The following TMPRSS11D variants were observed in gnomAD, a reference collection of about 807,000 sequenced individuals.
The protein encoded by TMPRSS11D is transmembrane serine protease 11D, also known as transmembrane protease serine 11D.
Under a neutral mutation model 44.4 loss-of-function variants are expected in TMPRSS11D, and 32 were observed. The observed-to-expected ratio is 0.72, with a 90% confidence interval of 0.54 to 0.97. TMPRSS11D has a LOEUF of 0.97. TMPRSS11D is among the 50% of genes least tolerant of loss of function. TMPRSS11D has a pLI of 0.00. For synonymous variants in TMPRSS11D, 179 were observed against 177.9 expected (o/e 1.01, Z -0.05); for missense variants, 446 against 502.6 (o/e 0.89, Z 1.08).
At chr4:67,845,645 C>T (rs1420020590) in intron 3 of TMPRSS11D, among the ~76,000 whole-genome samples, 2 of 152,080 alleles carry the variant, frequency 1.3e-5, no homozygotes, top group Admixed American at 1.3e-4. Flanking sequence ...TATTTTGTAA[C>T]CTGTACTGCT....
chr4:67,823,660 TACCTGTTTA>T (rs1251273749), intron 9 of TMPRSS11D, among the ~76,000 whole-genome samples: 2 of 152,276 alleles, frequency 1.3e-5, no homozygotes, highest in African/African-American at 4.8e-5. Context: ...AGCTCATCCA[TACCTGTTTA>T]ATTACTGGTC....
intron 2 of TMPRSS11D, 91 bp downstream of exon 2, chr4:67,859,466 A>G: frequency 7.1e-7 from 1 of 1,408,938 alleles, no homozygotes; most frequent in Non-Finnish European, 9.7e-7. Flanking sequence ...TTAAGAAATA[A>G]AAGCCATAGT....
intron 5 of TMPRSS11D, among the ~76,000 whole-genome samples, chr4:67,836,961 G>A (rs1406088826): frequency 4.6e-5 from 7 of 152,008 alleles, no homozygotes; most frequent in Non-Finnish European, 1.0e-4. Context: ...TGAAACTTTT[G>A]CTAGATATCC....
chr4:67,833,369 C>T lies in TMPRSS11D; in HGVS notation c.527G>A (p.Gly176Asp). ...ANWLINECGA[G>D]PDLITLSEQR... Reference sequence around the variant, plus strand: ...CTCAGACAATGTTATTAGGTCTGGACCGGCCCCACATTCTAATGAGAAAGG... The same window carrying T: ...CTCAGACAATGTTATTAGGTCTGGATCGGCCCCACATTCTAATGAGAAAGG... The change falls in exon 7 of 10, where the codon GGT becomes GAT. Residue 176 changes from glycine (G) to aspartate (D), a missense_variant. Transcript: ENST00000283916. The T allele has an allele frequency of 6.6e-7, 1 of 1,522,864 alleles. No individual in the cohort carries two copies. 94.3% of individuals were successfully genotyped at this position (1,522,864 alleles called of 1,614,324 possible). A position where few individuals can be genotyped will look rare whatever the true frequency, so the allele number is the denominator to read the frequency against.
At chr4:67,840,830 G>A (rs1718211957) in intron 4 of TMPRSS11D, among the ~76,000 whole-genome samples, 1 of 152,046 alleles carries the variant, frequency 6.6e-6, no homozygotes, top group African/African-American at 2.4e-5. Flanking sequence ...AATAAGAAAT[G>A]TGTTTAAAAG....
chr4:67,877,858 G>T (rs1186408006), intron 1 of TMPRSS11D, among the ~76,000 whole-genome samples: 3 of 152,070 alleles, frequency 2.0e-5, no homozygotes, highest in African/African-American at 7.2e-5. Flanking sequence ...GCTCCAACTA[G>T]TCTCCCTTCA....
chr4:67,862,589 ATGG>A (rs1481225151), intron 1 of TMPRSS11D, among the ~76,000 whole-genome samples: 6 of 152,254 alleles, frequency 3.9e-5, no homozygotes, highest in African/African-American at 1.4e-4. Context: ...TGAACGTGTT[ATGG>A]GTGCTTTACA....
intron 7 of TMPRSS11D, among the ~76,000 whole-genome samples, chr4:67,829,813 A>T (rs1489255814): frequency 6.6e-6 from 1 of 152,106 alleles, no homozygotes; most frequent in Non-Finnish European, 1.5e-5. Flanking sequence ...AAAAATGAGC[A>T]TCTTGTGTAC....
chr4:67,867,156 A>G (rs1378665650), intron 1 of TMPRSS11D, among the ~76,000 whole-genome samples: 2 of 152,124 alleles, frequency 1.3e-5, no homozygotes, highest in African/African-American at 4.8e-5. Context: ...GAAACAGAAT[A>G]GAGAACCCAG....
chr4:67,837,144 G>A (rs1473417632), intron 5 of TMPRSS11D, among the ~76,000 whole-genome samples: 2 of 152,084 alleles, frequency 1.3e-5, no homozygotes, highest in African/African-American at 4.8e-5. Context: ...TGTGACCATC[G>A]TATCACCATA....
chr4:67,825,445 A>T (rs945487176), intron 9 of TMPRSS11D, among the ~76,000 whole-genome samples: 3 of 49,602 alleles, frequency 6.0e-5, no homozygotes, highest in African/African-American at 1.4e-4. Flanking sequence ...CCCAGCTTTT[A>T]GTTAGAGACT....
intron 1 of TMPRSS11D, among the ~76,000 whole-genome samples, chr4:67,879,043 G>A (rs1038510551): frequency 2.6e-5 from 4 of 152,144 alleles, no homozygotes; most frequent in Non-Finnish European, 5.9e-5. Flanking sequence ...AAGTTGCTTT[G>A]AAGTAAGAGC....
chr4:67,842,515 C>T (rs781740658), intron 4 of TMPRSS11D, 43 bp downstream of exon 4: 1 of 1,514,998 alleles, frequency 6.6e-7, no homozygotes. Flanking sequence ...AAGTATGCCA[C>T]ATTGTATCTA....
intron 1 of TMPRSS11D, among the ~76,000 whole-genome samples, chr4:67,882,414 A>G (rs1354335935): frequency 6.6e-6 from 1 of 152,190 alleles, no homozygotes; most frequent in Non-Finnish European, 1.5e-5. Flanking sequence ...CCAAAATTCC[A>G]CAGAAGAGTT....
rs368336282 is a variant in TMPRSS11D at position 67,836,176 on chromosome 4, G to A, written c.476-1055C>T. The stretch of plus-strand genomic sequence containing the variant: ...TTATTCCATCCTCCTCACTCCTTTT[G>A]GTACTACTTTAGTTCATGGTTTCAT... On this transcript the variant is annotated intron_variant, in intron 5 of 9. Transcript: ENST00000283916. Among the ~76,000 whole-genome samples, 121 of 152,004 alleles carry A rather than the reference G, an allele frequency of 8.0e-4. 1 individual carries two copies. Among genetic ancestry groups the A allele is most frequent in the African/African-American group, 2.8e-3 (116 of 41,474 alleles).
chr4:67,859,558 A>T lies in TMPRSS11D; in HGVS notation c.129T>A (p.Phe43Leu). ...GAGTAATAATGTTCTGGTACTTACC[A>T]AAAGCTAAAAAGTAAACAAGTAGAG... ...TIALLVYFLAFDQKSYFYRSS... is the reference protein window; with the variant it reads ...TIALLVYFLALDQKSYFYRSS... Residue 43 changes from phenylalanine to leucine, a missense_variant and splice_region_variant, in exon 2 of 10, where the codon TTT (phenylalanine) becomes TTA (leucine). Phe to Leu is a conservative substitution (Grantham distance 22). Transcript: ENST00000283916. The T allele has an allele frequency of 6.2e-7, 1 of 1,612,818 alleles. No homozygotes were observed. The highest frequency in any genetic ancestry group is 8.5e-7 in the Non-Finnish European group (1 of 1,179,074).
intron 3 of TMPRSS11D, among the ~76,000 whole-genome samples, chr4:67,844,379 C>G (rs1044982639): frequency 2.0e-5 from 3 of 151,936 alleles, no homozygotes; most frequent in Non-Finnish European, 4.4e-5. Context: ...TTCCAGAGAA[C>G]CTTTGAACAA....
At chr4:67,859,756 C>A in intron 1 of TMPRSS11D, 78 bp from the exon 2 acceptor site, 1 of 1,560,082 alleles carries the variant, frequency 6.4e-7, no homozygotes, top group Non-Finnish European at 8.7e-7. Context: ...TGATTGTCTT[C>A]TGTCTTTCCC....
At position 67,859,542 on chromosome 4, in the gene TMPRSS11D, T is replaced by A; in HGVS notation, c.130+15A>T. On this transcript the variant is annotated intron_variant, in intron 2 of 9. Transcript: ENST00000283916. ...AGCTATTAAATCTGAAGAGTAATAA[T>A]GTTCTGGTACTTACCAAAAGCTAAA... 3 of 1,610,850 alleles carry A rather than the reference T, an allele frequency of 1.9e-6. No homozygotes were observed. Among genetic ancestry groups the A allele is most frequent in the South Asian group, 2.2e-5 (2 of 90,620 alleles).
Sources: gnomAD v4.1 joint callset for allele counts (sites outside exome capture counted in the v4.1 genomes callset) on GRCh38, gnomAD v4.1.1 for gene constraint, MANE v1.5 for transcripts, NCBI Gene and HGNC (gene_info 2026-07-23, HGNC 2026-07-21) for gene names.